Variants in PCDHGA2 observed in about 807,000 individuals in gnomAD.
PCDHGA2 encodes protocadherin gamma-A2.
In PCDHGA2, 40 loss-of-function variants were observed where a neutral mutation model predicts 59.2. The observed-to-expected ratio is 0.68, with a 90% CI of 0.52 to 0.88. The LOEUF (loss-of-function observed/expected upper bound fraction) is 0.88. PCDHGA2 is among the 40% of genes least tolerant of loss of function. The pLI is 0.00. For synonymous variants in PCDHGA2, 560 were observed against 526.0 expected (o/e 1.06, Z -0.89); for missense variants, 1,226 against 1,204.0 (o/e 1.02, Z -0.27).
chr5:141,414,667 G>C, intron 1 of PCDHGA2: 1 of 1,614,002 alleles, frequency 6.2e-7, no homozygotes, highest in Non-Finnish European at 8.5e-7. Flanking sequence ...CCTGGCTGAA[G>C]ACACCATCCA....
chr5:141,394,491 C>A lies in PCDHGA2; in HGVS notation c.2424+53096C>A, dbSNP rs1477855534. 4 of 1,614,234 alleles carry A rather than the reference C, an allele frequency of 2.5e-6. No homozygotes were observed. The highest frequency in any genetic ancestry group is 2.5e-6 in the Non-Finnish European group (3 of 1,180,046). On this transcript the variant is annotated intron_variant, in intron 1 of 3. Transcript: ENST00000394576. The stretch of plus-strand genomic sequence containing the variant: ...CGTGCTGGACCAGAATGACAACGCG[C>A]CCGAGATCCTGTACCCCGCCCTCCC...
chr5:141,494,537 G>C (rs2099755111), intron 1 of PCDHGA2, among the ~76,000 whole-genome samples: 1 of 152,168 alleles, frequency 6.6e-6, no homozygotes, highest in Non-Finnish European at 1.5e-5. Flanking sequence ...TGGGGGCAGG[G>C]AGGAAGGGGC....
At chr5:141,424,198 C>A (rs116187844) in intron 1 of PCDHGA2, 2 of 181,904 alleles carry the variant, frequency 1.1e-5, no homozygotes, top group South Asian at 1.9e-4. Context: ...CACTTATACA[C>A]GTAAGCTTTT....
At chr5:141,342,355 T>A (rs2149727825) in intron 1 of PCDHGA2, 1 of 152,302 alleles carries the variant, frequency 6.6e-6, no homozygotes, top group Non-Finnish European at 1.5e-5. Context: ...CCCATTCCTC[T>A]TCCTATATTG....
intron 1 of PCDHGA2, chr5:141,404,569 C>T (rs887708182): frequency 6.2e-7 from 1 of 1,613,608 alleles, no homozygotes; most frequent in African/African-American, 1.3e-5. Context: ...ACAGTGGAAG[C>T]CCACCACTTA....
At chr5:141,381,975 G>A (rs1408994703) in intron 1 of PCDHGA2, among the ~76,000 whole-genome samples, 4 of 151,294 alleles carry the variant, frequency 2.6e-5, no homozygotes, top group South Asian at 2.1e-4. Flanking sequence ...GATTACAGGC[G>A]CGCGCCACCA....
chr5:141,385,110 C>A (rs1315178545), intron 1 of PCDHGA2: 2 of 1,614,076 alleles, frequency 1.2e-6, no homozygotes, highest in African/African-American at 2.7e-5. Context: ...ACGTGCCCAC[C>A]TCGCACTTTG....
At chr5:141,398,829 C>A in intron 1 of PCDHGA2, 2 of 1,613,994 alleles carry the variant, frequency 1.2e-6, no homozygotes, top group East Asian at 2.2e-5. Flanking sequence ...AGGTAACCGA[C>A]GCCAATGATA....
chr5:141,458,409 G>A (rs188300064), intron 1 of PCDHGA2, among the ~76,000 whole-genome samples: 2 of 152,126 alleles, frequency 1.3e-5, no homozygotes, highest in East Asian at 1.9e-4. Context: ...GAGACGGAGC[G>A]GGGGTTCCAA....
rs1360494290 is a variant in PCDHGA2 at position 141,433,285 on chromosome 5, C to T, written c.2425-61522C>T. On this transcript the variant is annotated intron_variant, in intron 1 of 3. Coordinates refer to ENST00000394576, the MANE Select transcript of PCDHGA2 (RefSeq NM_018915.4). ...CATAGCTCACTGCAGCCTCAAACTCCTAGGCTCAAGCAATTATCCCACCTT... is the reference window on the plus strand; with the variant it reads ...CATAGCTCACTGCAGCCTCAAACTCTTAGGCTCAAGCAATTATCCCACCTT... The T allele has an allele frequency of 6.8e-6, 8 of 1,169,708 alleles. No individual in the cohort carries two copies. In the East Asian group the frequency reaches 1.7e-4, roughly 25 times the overall value. The allele number at this position is 1,169,708 out of a possible 1,614,324, so 72.5% of individuals were successfully genotyped here. A position where few individuals can be genotyped will look rare whatever the true frequency, so the allele number is the denominator to read the frequency against.
chr5:141,389,045 T>C, intron 1 of PCDHGA2: 3 of 1,613,920 alleles, frequency 1.9e-6, no homozygotes, highest in Non-Finnish European at 2.5e-6. Flanking sequence ...TGGAAGGTGA[T>C]GTTCCATTTA....
intron 1 of PCDHGA2, chr5:141,384,324 T>G (rs373247436): frequency 1.9e-6 from 3 of 1,613,744 alleles, no homozygotes; most frequent in Non-Finnish European, 2.5e-6. Context: ...TCTTAGTGAC[T>G]GCACAGGACC....
intron 1 of PCDHGA2, chr5:141,411,535 G>C (rs945278706): frequency 6.6e-6 from 1 of 152,274 alleles, no homozygotes; most frequent in Non-Finnish European, 1.5e-5. Context: ...AGTGAGCCCT[G>C]ATCTTGCCAC....
chr5:141,366,661 C>T (rs976652914), intron 1 of PCDHGA2: 1 of 1,614,150 alleles, frequency 6.2e-7, no homozygotes, highest in Admixed American at 1.7e-5. Flanking sequence ...ACTACGCAGA[C>T]ACGCTCCTTA....
intron 1 of PCDHGA2, chr5:141,428,334 C>T: frequency 1.6e-6 from 1 of 618,848 alleles, no homozygotes; most frequent in Non-Finnish European, 2.9e-6. Flanking sequence ...TTTCTATGCT[C>T]TTCTTCCTCG....
At chr5:141,500,241 C>T (rs1284996879) in intron 2 of PCDHGA2, among the ~76,000 whole-genome samples, 18 of 150,770 alleles carry the variant, frequency 1.2e-4, no homozygotes, top group Non-Finnish European at 1.5e-5. Flanking sequence ...CGTAGCCTTG[C>T]TCTGTCACCC....
At position 141,486,637 on chromosome 5, in the gene PCDHGA2, G is replaced by C. The variant is rs761072169; in HGVS notation, c.2425-8170G>C. 28 of 1,613,638 alleles carry C rather than the reference G, an allele frequency of 1.7e-5. No homozygotes were observed. The highest frequency in any genetic ancestry group is 1.1e-5 in the Non-Finnish European group (13 of 1,180,034). ...CTGACCCAGACTCTGGCTTGAATGC[G>C]CTTATCTCCTACTCACTCCTGGAGC... On this transcript the variant is annotated intron_variant, in intron 1 of 3. Transcript: ENST00000394576. This position sits in a 1 kb window ranked among gnomAD's most constrained non-coding sequence, Gnocchi z 5.0.
At chr5:141,433,364 T>C (rs1246641841) in intron 1 of PCDHGA2, 1 of 524,614 alleles carries the variant, frequency 1.9e-6, no homozygotes, top group Admixed American at 3.5e-5. Context: ...TCTGCCTATC[T>C]ATCTATCTAT....
intron 1 of PCDHGA2, chr5:141,392,398 C>T (rs926356717): frequency 1.3e-5 from 2 of 155,550 alleles, no homozygotes; most frequent in African/African-American, 4.8e-5. Context: ...CATTTAATAA[C>T]ACTAAATAAA....
Sources: gnomAD v4.1 joint callset for allele counts (sites outside exome capture counted in the v4.1 genomes callset) on GRCh38, gnomAD v4.1.1 for gene constraint, Gnocchi (gnomAD v3.1) non-coding constraint, MANE v1.5 for transcripts, NCBI Gene and HGNC (gene_info 2026-07-23, HGNC 2026-07-21) for gene names.